Variants in CDH12 observed in about 807,000 individuals in gnomAD.
CDH12 encodes cadherin 12.
Under a neutral mutation model 74.1 loss-of-function variants are expected in CDH12, and 41 were observed. The ratio of observed to expected loss-of-function variants is 0.55; its 90% CI spans 0.43 to 0.72. The LOEUF (loss-of-function observed/expected upper bound fraction) is 0.72, where lower values mean the gene tolerates loss of function less well. Among genes scored for constraint, CDH12 ranks in the 30% least tolerant of loss-of-function variants. CDH12 has a pLI of 0.00. For synonymous variants in CDH12, 399 were observed against 355.0 expected (o/e 1.12, Z -1.39); for missense variants, 945 against 977.2 (o/e 0.97, Z 0.44).
intron 3 of CDH12, among the ~76,000 whole-genome samples, chr5:22,283,263 CACACACACACACAT>C (rs1736992960): frequency 7.1e-6 from 1 of 141,822 alleles, no homozygotes. Context: ...CACACACACA[CACACACACACACAT>C]ATACACACAT....
intron 8 of CDH12, among the ~76,000 whole-genome samples, chr5:21,827,913 C>G (rs1748769163): frequency 6.6e-6 from 1 of 152,196 alleles, no homozygotes; most frequent in African/African-American, 2.4e-5. Context: ...ATTTAATATT[C>G]TCTTAAAACC....
intron 3 of CDH12, among the ~76,000 whole-genome samples, chr5:22,322,004 C>T (rs904728903): frequency 2.6e-5 from 4 of 151,994 alleles, no homozygotes; most frequent in African/African-American, 9.7e-5. Context: ...ATAGCAAATT[C>T]GTTATCTATT....
In CDH12 at chr5:22,488,395, A is replaced by T. The variant is rs139601302; in HGVS notation, c.-428+16875T>A. On this transcript the variant is annotated intron_variant, in intron 2 of 14. Coordinates refer to ENST00000382254, the MANE Select transcript of CDH12 (RefSeq NM_004061.5). ...TTCCAGTGTCATGGCTATCTTAAAA[A>T]ATTGCAATTTTGTAAAGGAAGTCAA... Among the ~76,000 whole-genome samples the T allele has an allele frequency of 4.7e-3, 722 of 152,314 alleles. 3 individuals are homozygous for T. Among genetic ancestry groups the T allele is most frequent in the African/African-American group, 0.016 (674 of 41,572 alleles).
At chr5:22,065,552 G>T (rs1174104181) in intron 5 of CDH12, among the ~76,000 whole-genome samples, 1 of 152,054 alleles carries the variant, frequency 6.6e-6, no homozygotes, top group Non-Finnish European at 1.5e-5. Flanking sequence ...AAACTCAAAG[G>T]CCTAGGGACA....
chr5:22,196,346 T>TA (rs1750619797), intron 4 of CDH12, among the ~76,000 whole-genome samples: 1 of 151,972 alleles, frequency 6.6e-6, no homozygotes, highest in African/African-American at 2.4e-5. Flanking sequence ...GGTTTCACCA[T>TA]GTTGGCCAGG....
At chr5:22,152,431 T>C (rs1022282580) in intron 4 of CDH12, 11 of 152,200 alleles carry the variant, frequency 7.2e-5, no homozygotes, top group Admixed American at 6.5e-4. Flanking sequence ...GGCTGTATCA[T>C]CAAACAAGAA....
At chr5:22,075,518 C>T (rs1233820300) in intron 5 of CDH12, among the ~76,000 whole-genome samples, 3 of 151,938 alleles carry the variant, frequency 2.0e-5, no homozygotes, top group Admixed American at 6.6e-5. Context: ...ATGTATTTGA[C>T]TTCCTCTGAT....
intron 1 of CDH12, among the ~76,000 whole-genome samples, chr5:22,568,923 T>G (rs1208885427): frequency 6.6e-6 from 1 of 152,220 alleles, no homozygotes; most frequent in East Asian, 1.9e-4. Flanking sequence ...GTTAATCTTT[T>G]TGCTAGTGGA....
At chr5:22,395,569 T>C (rs111649616) in intron 3 of CDH12, among the ~76,000 whole-genome samples, 21 of 152,218 alleles carry the variant, frequency 1.4e-4, no homozygotes, top group African/African-American at 5.1e-4. Context: ...CTGAGAAGAT[T>C]TTTACAAAGT....
intron 3 of CDH12, among the ~76,000 whole-genome samples, chr5:22,239,418 T>A (rs1319353149): frequency 6.6e-6 from 1 of 151,468 alleles, no homozygotes; most frequent in Non-Finnish European, 1.5e-5. Flanking sequence ...TTCAATAACA[T>A]CAGAATTCTG....
Position 22,297,707 on chromosome 5 carries a change from C to T in CDH12, c.-332-85064G>A, listed in dbSNP as rs561401187. Among the ~76,000 whole-genome samples the T allele has an allele frequency of 2.4e-4, 37 of 152,216 alleles. No individual in the cohort carries two copies. The South Asian group carries it at 7.7e-3, about 32-fold the overall frequency. On this transcript the variant is annotated intron_variant, in intron 3 of 14. Coordinates refer to ENST00000382254, the MANE Select transcript of CDH12 (RefSeq NM_004061.5). Reference sequence around the variant, plus strand: ...TCAAATATTGTTTTAGGTTGCTGGGCTGATGCTGAAGAAGGGGAAAGATTT... The same window carrying T: ...TCAAATATTGTTTTAGGTTGCTGGGTTGATGCTGAAGAAGGGGAAAGATTT...
chr5:22,608,114 C>G (rs1190569610), intron 1 of CDH12, among the ~76,000 whole-genome samples: 2 of 152,162 alleles, frequency 1.3e-5, no homozygotes, highest in Admixed American at 6.5e-5. Flanking sequence ...GGTAGATCCA[C>G]TGAAAGCTTG....
intron 14 of CDH12, among the ~76,000 whole-genome samples, chr5:21,753,792 C>T (rs1744232375): frequency 6.6e-6 from 1 of 152,116 alleles, no homozygotes; most frequent in African/African-American, 2.4e-5. Flanking sequence ...GATGGTAGTA[C>T]ATGATAAAGA....
At chr5:22,836,638 G>C (rs577737205) in intron 1 of CDH12, among the ~76,000 whole-genome samples, 1 of 151,944 alleles carries the variant, frequency 6.6e-6, no homozygotes, top group African/African-American at 2.4e-5. Context: ...CAAGAAAGCC[G>C]TGTAAACTAA....
chr5:22,769,249 C>A (rs1416003960), intron 1 of CDH12, among the ~76,000 whole-genome samples: 1 of 152,108 alleles, frequency 6.6e-6, no homozygotes, highest in Non-Finnish European at 1.5e-5. Flanking sequence ...TGGGTGGGCA[C>A]CATCCAATCA....
At chr5:22,837,674 T>C (rs1736892087) in intron 1 of CDH12, among the ~76,000 whole-genome samples, 1 of 152,216 alleles carries the variant, frequency 6.6e-6, no homozygotes, top group Non-Finnish European at 1.5e-5. Flanking sequence ...TTATGACATG[T>C]TGCTTTATAT....
intron 3 of CDH12, among the ~76,000 whole-genome samples, chr5:22,240,786 A>G (rs1396949910): frequency 6.6e-6 from 1 of 152,160 alleles, no homozygotes; most frequent in Non-Finnish European, 1.5e-5. Flanking sequence ...CGCCCTCCTC[A>G]GCCTCCCAAA....
At chr5:21,947,768 G>C (rs1014533198) in intron 6 of CDH12, among the ~76,000 whole-genome samples, 3 of 152,182 alleles carry the variant, frequency 2.0e-5, no homozygotes, top group African/African-American at 7.2e-5. Flanking sequence ...GCGTATCACA[G>C]ACTTCCATGG....
intron 3 of CDH12, among the ~76,000 whole-genome samples, chr5:22,256,276 A>T (rs1753314203): frequency 6.6e-6 from 1 of 152,124 alleles, no homozygotes; most frequent in Non-Finnish European, 1.5e-5. Context: ...CAATGACAGC[A>T]TGTACAATGG....
Sources: allele counts gnomAD v4.1 joint callset (sites outside exome capture counted in the v4.1 genomes callset), GRCh38; gene constraint gnomAD v4.1.1; transcripts MANE v1.5; gene names NCBI Gene and HGNC (gene_info 2026-07-23, HGNC 2026-07-21).